Variants in NPC1 observed in about 807,000 individuals in gnomAD.
NPC1 encodes the protein NPC intracellular cholesterol transporter 1.
In NPC1, 85 loss-of-function variants were observed where a neutral mutation model predicts 140.4. That is an observed-to-expected ratio of 0.61 (90% CI 0.51 to 0.72). The LOEUF is 0.72. NPC1 is among the 30% of genes least tolerant of loss of function. The probability of loss-of-function intolerance (pLI) is 0.00; values close to 1 mark genes in which losing one functional copy is unlikely to be tolerated. For missense variants in NPC1, 1,504 were observed against 1,623.8 expected (o/e 0.93, Z 1.27); for synonymous variants, 656 against 624.8 (o/e 1.05, Z -0.74).
intron 10 of NPC1, among the ~76,000 whole-genome samples, chr18:23,548,883 C>T (rs1023148727): frequency 7.2e-5 from 11 of 152,044 alleles, no homozygotes; most frequent in Admixed American, 2.6e-4. Context: ...CTTGACCACC[C>T]GAACTCAATT....
chr18:23,518,915 T>C (rs755331849), downstream of NPC1: 11 of 1,614,052 alleles, frequency 6.8e-6, no homozygotes, highest in South Asian at 1.2e-4. Flanking sequence ...TGTTCTCTTC[T>C]TGAGGCATCA....
chr18:23,527,366 C>T (rs1165034662), downstream of NPC1, among the ~76,000 whole-genome samples: 1 of 151,950 alleles, frequency 6.6e-6, no homozygotes, highest in African/African-American at 2.4e-5. Flanking sequence ...CAGTGTACCT[C>T]CAGCCTGGGC....
chr18:23,524,953 T>TC (rs1840234401), downstream of NPC1, among the ~76,000 whole-genome samples: 1 of 143,784 alleles, frequency 7.0e-6, no homozygotes, highest in Non-Finnish European at 1.5e-5. Flanking sequence ...TTTTTTTTTT[T>TC]TTTTTTTTTT....
At chr18:23,526,439 C>T (rs2058300109), downstream of NPC1, among the ~76,000 whole-genome samples, 1 of 152,108 alleles carries the variant, frequency 6.6e-6, no homozygotes, top group African/African-American at 2.4e-5. Context: ...CTGTCATCCT[C>T]CTGTGGTAGA....
At chr18:23,516,287 A>T in intron 3 of NPC1, 1 of 1,602,304 alleles carries the variant, frequency 6.2e-7, no homozygotes, top group South Asian at 1.1e-5. Flanking sequence ...GGGGTTTAAT[A>T]AGCTTTTCCT....
At chr18:23,542,549 A>C (rs901402729) in intron 14 of NPC1, among the ~76,000 whole-genome samples, 1 of 152,242 alleles carries the variant, frequency 6.6e-6, no homozygotes, top group Non-Finnish European at 1.5e-5. Flanking sequence ...GACATGGGGC[A>C]GACAGCCCCA....
chr18:23,527,648 C>T (rs528502657), downstream of NPC1: 212 of 242,866 alleles, frequency 8.7e-4, 2 homozygotes, highest in African/African-American at 8.5e-3. Flanking sequence ...TGACATCTAG[C>T]TGTCAGGTCT....
rs969461365 is a variant in NPC1 at position 23,556,555 on chromosome 18, C to T, written c.1014G>A (p.Leu338=). The change falls in exon 8 of 25, where the codon CTG becomes CTA. Residue 338 remains leucine (L), a synonymous_variant. Transcript: ENST00000269228. The part of the protein sequence containing the change: ...SAAFEGCLRR[L]FTRWGSFCVR... ...CGCAGAAAGACCCCCAGCGTGTGAACAGCCGCCTCAAGCAGCCCTCAAATG... is the reference window on the plus strand; with the variant it reads ...CGCAGAAAGACCCCCAGCGTGTGAATAGCCGCCTCAAGCAGCCCTCAAATG... The T allele has an allele frequency of 7.4e-6, 12 of 1,614,136 alleles. No individual in the cohort carries two copies. Among genetic ancestry groups the T allele is most frequent in the Non-Finnish European group, 1.0e-5 (12 of 1,180,022 alleles).
At chr18:23,509,246 C>G in intron 3 of NPC1, 1 of 1,457,904 alleles carries the variant, frequency 6.9e-7, no homozygotes, top group Non-Finnish European at 9.1e-7. Flanking sequence ...CTGAAATTGT[C>G]TTCATAACAG....
chr18:23,561,308 T>C, intron 5 of NPC1, 52 bp downstream of exon 5: 2 of 1,600,570 alleles, frequency 1.2e-6, no homozygotes, highest in Non-Finnish European at 1.7e-6. Flanking sequence ...GCCAGTTCCT[T>C]GGCTTTAAAA....
intron 1 of NPC1, chr18:23,582,067 G>A (rs1432815547): frequency 6.6e-6 from 1 of 152,180 alleles, no homozygotes; most frequent in Non-Finnish European, 1.5e-5. Context: ...AGATCAAGGA[G>A]TTCGATCTGT....
At chr18:23,583,190 C>T (rs918948446) in intron 1 of NPC1, among the ~76,000 whole-genome samples, 1 of 151,086 alleles carries the variant, frequency 6.6e-6, no homozygotes, top group African/African-American at 2.4e-5. Context: ...AGTTATTGCT[C>T]TTAAGGAGCC....
At chr18:23,518,657 G>A (rs972452810), downstream of NPC1, among the ~76,000 whole-genome samples, 2 of 152,132 alleles carry the variant, frequency 1.3e-5, no homozygotes, top group African/African-American at 4.8e-5. Context: ...CTATGCTTAG[G>A]TTTGGGGTTT....
In NPC1 at chr18:23,531,865, GA is replaced by G; in HGVS notation, c.*336del. On this transcript the variant is annotated 3_prime_UTR_variant, in exon 25 of 25. Coordinates refer to ENST00000269228, the MANE Select transcript of NPC1 (RefSeq NM_000271.5). ...GGGATGGCTTACTCCTAAAAGGAGA[GA>G]CAGACAGTGCATTGATTGGCCTTTA... 6.9e-7 allele frequency: 1 copy of G among 1,448,424 alleles called. No homozygotes were observed. Among genetic ancestry groups the G allele is most frequent in the Non-Finnish European group, 9.0e-7 (1 of 1,108,518 alleles). The allele number at this position is 1,448,424 out of a possible 1,614,324, so 89.7% of individuals were successfully genotyped here.
chr18:23,517,716 C>T (rs2058045832), downstream of NPC1, among the ~76,000 whole-genome samples: 1 of 151,408 alleles, frequency 6.6e-6, no homozygotes, highest in African/African-American at 2.4e-5. Flanking sequence ...TGTGGCATTC[C>T]TGTTTATTTT....
Position 23,540,496 on chromosome 18 carries a change from G to A in NPC1, c.2556C>T (p.Val852=), listed in dbSNP as rs767066917. ...FVGVLSFSIA[V]LNKVDIGLDQ... Reference sequence around the variant, plus strand: ...CCAATCCAATATCTACTTTGTTCAGGACTGCGATGCTGAATGACAGAACAC... The same window carrying A: ...CCAATCCAATATCTACTTTGTTCAGAACTGCGATGCTGAATGACAGAACAC... The change falls in exon 17 of 25, where the codon GTC becomes GTT. Residue 852 remains valine (V), a synonymous_variant. Transcript: ENST00000269228. 7.4e-6 allele frequency: 12 copies of A among 1,612,732 alleles called. No homozygotes were observed. In the East Asian group the frequency reaches 2.7e-4, roughly 36 times the overall value.
Position 23,554,965 on chromosome 18 carries a change from G to T in NPC1, c.1346C>A (p.Ala449Asp). Residue 449 changes from alanine (A) to aspartate (D), a missense_variant, in exon 9 of 25, where the codon GCC becomes GAC. Coordinates refer to ENST00000269228, the MANE Select transcript of NPC1 (RefSeq NM_000271.5). ...ATAAGAGGCAGTAATGTTTTCGATG[G>T]CTATTTGTAAGTCAAGAACCTGAAA... ...ILHQVLDLQI[A>D]IENITASYDN... The T allele has an allele frequency of 6.2e-7, 1 of 1,611,926 alleles. No homozygotes were observed. Among genetic ancestry groups the T allele is most frequent in the Non-Finnish European group, 8.5e-7 (1 of 1,177,998 alleles).
At chr18:23,586,113 A>C (rs922832826) in intron 1 of NPC1, among the ~76,000 whole-genome samples, 174 bp downstream of exon 1, 1 of 152,184 alleles carries the variant, frequency 6.6e-6, no homozygotes, top group African/African-American at 2.4e-5. Context: ...AGACCACAGG[A>C]AAGAGAGCGT....
chr18:23,579,152 C>T (rs1396367626), intron 1 of NPC1, among the ~76,000 whole-genome samples: 1 of 152,342 alleles, frequency 6.6e-6, no homozygotes, highest in East Asian at 1.9e-4. Flanking sequence ...ACCTGCCTGC[C>T]TCTGCCTTGG....
Sources: gnomAD v4.1 joint callset for allele counts (sites outside exome capture counted in the v4.1 genomes callset) on GRCh38, gnomAD v4.1.1 for gene constraint, MANE v1.5 for transcripts, NCBI Gene and HGNC (gene_info 2026-07-23, HGNC 2026-07-21) for gene names.